Variants in RGS3 observed in about 807,000 individuals in gnomAD.
The protein encoded by RGS3 is regulator of G-protein signalling 3.
In RGS3, 80 loss-of-function variants were observed where a neutral mutation model predicts 132.6. The ratio of observed to expected loss-of-function variants is 0.60; its 90% CI spans 0.50 to 0.73. The LOEUF (loss-of-function observed/expected upper bound fraction) is 0.73. Among genes scored for constraint, RGS3 ranks in the 30% least tolerant of loss-of-function variants. The pLI, the probability that RGS3 is intolerant of heterozygous loss-of-function variation, is 0.00. For missense variants in RGS3, 1,382 were observed against 1,530.8 expected, an observed-to-expected ratio of 0.90 and a Z score of 1.62; for synonymous variants, 598 against 620.6, an observed-to-expected ratio of 0.96 and a Z score of 0.54.
intron 3 of RGS3, among the ~76,000 whole-genome samples, chr9:113,475,661 C>T (rs1318612826): frequency 6.6e-6 from 1 of 152,198 alleles, no homozygotes. Flanking sequence ...CCTCCCACCT[C>T]AGCCTCCCAA....
At position 113,514,662 on chromosome 9, in the gene RGS3, C is replaced by G. The variant is rs116666638; in HGVS notation, c.1674+8C>G. 2,829 of 1,612,436 alleles carry G rather than the reference C, an allele frequency of 1.8e-3. 23 individuals carry two copies. In the African/African-American group the frequency reaches 0.022, roughly 12 times the overall value. On this transcript the variant is annotated splice_region_variant and intron_variant, in intron 15 of 24. Coordinates refer to ENST00000350696, the Ensembl canonical transcript of RGS3. ...TTCCCTGTCTTTGTTCAGGTGAGCC[C>G]GTGGCTGGTCTTAAAGGTTCCCTCA... is the stretch of plus-strand genomic sequence containing the variant.
At chr9:113,530,503 A>C (rs1832418215) in intron 18 of RGS3, among the ~76,000 whole-genome samples, 1 of 152,234 alleles carries the variant, frequency 6.6e-6, no homozygotes, top group South Asian at 2.1e-4. Flanking sequence ...CCACAGAGCC[A>C]AGCAAGCAGA....
chr9:113,565,305 TAATGGAAGA>T lies in RGS3; in HGVS notation c.2038-18142_2038-18134del. On this transcript the variant is annotated intron_variant, in intron 19 of 24. Coordinates refer to ENST00000350696, the Ensembl canonical transcript of RGS3. The surrounding 1 kb of genome is among the most constrained non-coding windows in gnomAD (Gnocchi z 5.7). ...TTGAGAAACCACAGAGTTTTCTGTT[TAATGGAAGA>T]AAGAAATCCAGCCTCTCTCCAGAGT... 7.8e-7 allele frequency: 1 copy of T among 1,289,464 alleles called. No homozygotes were observed. The highest frequency in any genetic ancestry group is 1.2e-5 in the South Asian group (1 of 81,014). The allele number at this position is 1,289,464 out of a possible 1,614,324, so 79.9% of individuals were successfully genotyped here. A position where few individuals can be genotyped will look rare whatever the true frequency, so the allele number is the denominator to read the frequency against.
At chr9:113,472,457 T>C (rs1829863732) in intron 3 of RGS3, among the ~76,000 whole-genome samples, 1 of 152,222 alleles carries the variant, frequency 6.6e-6, no homozygotes, top group Non-Finnish European at 1.5e-5. Context: ...ACTAAAATAC[T>C]GATACGTGCT....
chr9:113,461,997 C>A, intron 2 of RGS3: 1 of 1,610,002 alleles, frequency 6.2e-7, no homozygotes, highest in East Asian at 2.2e-5. Flanking sequence ...ATGGCTAACT[C>A]ATGCTCCCAT....
At chr9:113,497,988 A>C (rs1049168112) in intron 9 of RGS3, 37 bp from the exon 8 acceptor site, 35 of 1,610,834 alleles carry the variant, frequency 2.2e-5, no homozygotes, top group Non-Finnish European at 2.9e-5. Context: ...CTTCTCTGCC[A>C]CCAGAAGTTT....
At chr9:113,586,597 T>C (rs1835126849) in intron 20 of RGS3, among the ~76,000 whole-genome samples, 1 of 152,232 alleles carries the variant, frequency 6.6e-6, no homozygotes, top group African/African-American at 2.4e-5. Flanking sequence ...CATCAGAGGC[T>C]GCCCCCAGCC....
At chr9:113,552,493 T>C (rs1833381520) in intron 19 of RGS3, among the ~76,000 whole-genome samples, 2 of 152,006 alleles carry the variant, frequency 1.3e-5, no homozygotes, top group East Asian at 3.8e-4. Flanking sequence ...ATTTTTTGTA[T>C]TTTTTTAGTA....
chr9:113,576,619 C>A (rs537138635), intron 19 of RGS3, among the ~76,000 whole-genome samples: 3 of 152,102 alleles, frequency 2.0e-5, no homozygotes, highest in African/African-American at 4.8e-5. Flanking sequence ...CGTGAGCCAC[C>A]GCACCCAGCG....
chr9:113,448,303 C>T (rs1266844338), intron 1 of RGS3, among the ~76,000 whole-genome samples: 1 of 152,292 alleles, frequency 6.6e-6, no homozygotes, highest in East Asian at 1.9e-4. Flanking sequence ...CAAGGCAGGG[C>T]TATGACCTGG....
At chr9:113,490,253 C>T (rs899169962) in intron 7 of RGS3, among the ~76,000 whole-genome samples, 2 of 152,134 alleles carry the variant, frequency 1.3e-5, no homozygotes, top group African/African-American at 4.8e-5. Flanking sequence ...AATAAACCCT[C>T]ATATACTCAT....
chr9:113,485,668 G>A, exon 7 of RGS3: 2 of 1,595,558 alleles, frequency 1.3e-6, no homozygotes, highest in Non-Finnish European at 1.7e-6. Flanking sequence ...CTTGGTTACT[G>A]TGTGGAACAG....
chr9:113,498,691 G>C (rs993304306), intron 10 of RGS3, among the ~76,000 whole-genome samples: 2 of 152,134 alleles, frequency 1.3e-5, no homozygotes, highest in Non-Finnish European at 2.9e-5. Flanking sequence ...GAGGTGGGCG[G>C]ATCACCTGAG....
intron 17 of RGS3, among the ~76,000 whole-genome samples, chr9:113,526,626 A>G (rs1588203600): frequency 1.3e-5 from 2 of 152,098 alleles, no homozygotes; most frequent in East Asian, 1.9e-4. Context: ...GGTTTGCTTA[A>G]TGGTTGAGTT....
chr9:113,482,899 G>A (rs940829586), intron 4 of RGS3, 160 bp from the exon 3 acceptor site: 3 of 1,485,418 alleles, frequency 2.0e-6, no homozygotes, highest in East Asian at 2.5e-5. Flanking sequence ...CAGATTAAGG[G>A]CCTAGTAGCA....
At chr9:113,576,628 CGATTG>C (rs1326158905) in intron 19 of RGS3, among the ~76,000 whole-genome samples, 1 of 152,168 alleles carries the variant, frequency 6.6e-6, no homozygotes, top group African/African-American at 2.4e-5. Flanking sequence ...CCGCACCCAG[CGATTG>C]TTCTTTCATT....
At chr9:113,562,996 G>T (rs1833855692) in intron 19 of RGS3, among the ~76,000 whole-genome samples, 1 of 152,228 alleles carries the variant, frequency 6.6e-6, no homozygotes, top group African/African-American at 2.4e-5. Context: ...GTTGATTTGT[G>T]TCTGGAGCTA....
chr9:113,511,142 C>T (rs112638424), intron 14 of RGS3, among the ~76,000 whole-genome samples: 5,991 of 152,330 alleles, frequency 0.039, 161 homozygotes, highest in South Asian at 0.1. Flanking sequence ...TTTCCCAGGG[C>T]TGCTGGTGCC....
intron 10 of RGS3, among the ~76,000 whole-genome samples, chr9:113,499,567 A>G (rs1458964906): frequency 6.6e-6 from 1 of 152,230 alleles, no homozygotes; most frequent in Non-Finnish European, 1.5e-5. Flanking sequence ...CAATCTACCA[A>G]ACATTTTCAC....
Sources: allele counts gnomAD v4.1 joint callset (sites outside exome capture counted in the v4.1 genomes callset), GRCh38; gene constraint gnomAD v4.1.1; non-coding constraint Gnocchi (gnomAD v3.1); transcripts MANE v1.5; gene names NCBI Gene and HGNC (gene_info 2026-07-23, HGNC 2026-07-21).